Variants in ATP8B1 observed in about 807,000 individuals in gnomAD.
The protein encoded by ATP8B1 is ATPase phospholipid transporting 8B1.
ATP8B1 carries 80 observed loss-of-function variants against 149.9 expected under a neutral mutation model. That is an observed-to-expected ratio of 0.53 (90% CI 0.45 to 0.64). The LOEUF is 0.64. Ranked by LOEUF, ATP8B1 falls within the 30% of genes least tolerant of loss-of-function variation. ATP8B1 has a pLI of 0.00. For missense variants in ATP8B1, 1,247 were observed against 1,552.6 expected (o/e 0.80, Z 3.31); for synonymous variants, 536 against 562.8 (o/e 0.95, Z 0.67).
chr18:57,652,251 C>G (rs1380547333), intron 25 of ATP8B1, 79 bp from the exon 26 acceptor site: 1 of 1,572,806 alleles, frequency 6.4e-7, no homozygotes, highest in African/African-American at 1.4e-5. Flanking sequence ...ATCCTGAAAA[C>G]AGAATTCAGC....
In ATP8B1 at chr18:57,695,527, G is replaced by C. The variant is rs573491571; in HGVS notation, c.704C>G (p.Thr235Ser). ...AAGTGACATCTTAAATTTTAAATTG[G>C]TTTCTCTAAAGGAATGGGGAAAAAA... ...YVETAELDGE[T>S]NLKFKMSLEI... is the part of the protein sequence containing the mutation. The change falls in exon 9 of 28, where the codon ACC becomes AGC. Residue 235 changes from threonine (T) to serine (S), a missense_variant. Thr to Ser is a moderately conservative substitution (Grantham distance 58). This residue lies in a region of ATP8B1 where 853 missense variants were observed against 1,035.7 expected (regional missense o/e 0.82). Coordinates refer to ENST00000648908, the MANE Select transcript of ATP8B1 (RefSeq NM_001374385.1). 6.2e-7 allele frequency: 1 copy of C among 1,609,432 alleles called. No homozygotes were observed. The highest frequency in any genetic ancestry group is 8.5e-7 in the Non-Finnish European group (1 of 1,176,034).
At chr18:57,684,886 A>C (rs1195236064) in intron 14 of ATP8B1, among the ~76,000 whole-genome samples, 186 bp downstream of exon 14, 3 of 152,180 alleles carry the variant, frequency 2.0e-5, no homozygotes, top group African/African-American at 7.2e-5. Context: ...CGTGACAACA[A>C]AGGCAGAGAC....
intron 1 of ATP8B1, among the ~76,000 whole-genome samples, chr18:57,794,829 G>A (rs1384561628): frequency 1.4e-5 from 2 of 140,614 alleles, no homozygotes; most frequent in African/African-American, 5.7e-5. Flanking sequence ...AGAAAGAATG[G>A]CATATGACTG....
At chr18:57,779,236 G>A (rs2080336897) in intron 1 of ATP8B1, among the ~76,000 whole-genome samples, 1 of 151,978 alleles carries the variant, frequency 6.6e-6, no homozygotes, top group Admixed American at 6.6e-5. Context: ...GATTGCTTGA[G>A]CCTGGGAGGT....
chr18:57,759,447 A>T (rs968623311), intron 1 of ATP8B1, among the ~76,000 whole-genome samples: 19 of 152,132 alleles, frequency 1.2e-4, no homozygotes, highest in Admixed American at 2.0e-4. Context: ...GAGAATTTTT[A>T]AAAAATCACC....
At chr18:57,735,642 G>C (rs1272830462) in intron 1 of ATP8B1, 1 of 151,938 alleles carries the variant, frequency 6.6e-6, no homozygotes, top group African/African-American at 2.4e-5. Context: ...ATAATTCCCT[G>C]GTTATATTTA....
At chr18:57,662,712 AC>A (rs1910552000) in intron 20 of ATP8B1, 97 bp from the exon 21 acceptor site, 2 of 1,358,960 alleles carry the variant, frequency 1.5e-6, no homozygotes, top group Non-Finnish European at 1.0e-6. Context: ...TGACAAAAAA[AC>A]AAAGTTTACC....
At position 57,674,830 on chromosome 18, in the gene ATP8B1, T is replaced by C; in HGVS notation, c.1819+4A>G. 1 of 1,613,938 alleles carries C rather than the reference T, an allele frequency of 6.2e-7. No individual in the cohort carries two copies. The highest frequency in any genetic ancestry group is 8.5e-7 in the Non-Finnish European group (1 of 1,179,888). On this transcript the variant is annotated splice_donor_region_variant and intron_variant, in intron 16 of 27. Transcript: ENST00000648908. Reference sequence around the variant, plus strand: ...TTCATAGACAGACTCTGAGGGGGACTTACCAATGATAGACATTCGCTTCCG... The same window carrying C: ...TTCATAGACAGACTCTGAGGGGGACCTACCAATGATAGACATTCGCTTCCG...
rs769589060 is a variant in ATP8B1, at chr18:57,652,718, G to A, written c.3027C>T (p.Asp1009=). Residue 1009 remains aspartate (D), a synonymous_variant, in exon 25 of 28, where the codon GAC becomes GAT. Transcript: ENST00000648908. ...LMGLLDQDVS[D]KLSLRFPGLY... ...ACCCAGGGAATCGGAGGCTCAGTTT[G>A]TCACTCACATCCTTAAGGAGAAAAC... 1.2e-6 allele frequency: 2 copies of A among 1,614,188 alleles called. No homozygotes were observed. Among genetic ancestry groups the A allele is most frequent in the Non-Finnish European group, 8.5e-7 (1 of 1,180,022 alleles).
chr18:57,725,498 A>C (rs1201082337), intron 2 of ATP8B1, among the ~76,000 whole-genome samples: 1 of 152,194 alleles, frequency 6.6e-6, no homozygotes, highest in East Asian at 1.9e-4. Context: ...TGAAAATACC[A>C]ATGACTGTCT....
intron 15 of ATP8B1, among the ~76,000 whole-genome samples, chr18:57,681,047 C>T (rs149872572): frequency 3.4e-3 from 519 of 152,244 alleles, no homozygotes; most frequent in Non-Finnish European, 5.3e-3. Flanking sequence ...TGCAGATGTG[C>T]GATCCTAATC....
At chr18:57,799,363 A>AAGAAAGTACCAATATGGCCTTAAAGATTC (rs1183046542) in intron 1 of ATP8B1, among the ~76,000 whole-genome samples, 6 of 152,226 alleles carry the variant, frequency 3.9e-5, no homozygotes, top group Non-Finnish European at 8.8e-5. Context: ...ATAAGTATCA[A>AAGAAAGTACCAATATGGCCTTAAAGATTC]AGAAAGTACC....
intron 21 of ATP8B1, 36 bp downstream of exon 21, chr18:57,662,447 T>C: frequency 6.2e-7 from 1 of 1,613,472 alleles, no homozygotes; most frequent in Non-Finnish European, 8.5e-7. Context: ...CTTCTTTCTT[T>C]TGAGTTAAAG....
At chr18:57,699,230 T>C (rs1321245737) in intron 6 of ATP8B1, among the ~76,000 whole-genome samples, 1 of 152,238 alleles carries the variant, frequency 6.6e-6, no homozygotes, top group African/African-American at 2.4e-5. Context: ...ATATAGACTA[T>C]ACCAAGCTAT....
chr18:57,732,778 G>C (rs1224968868), intron 1 of ATP8B1, among the ~76,000 whole-genome samples: 1 of 151,780 alleles, frequency 6.6e-6, no homozygotes, highest in Non-Finnish European at 1.5e-5. Flanking sequence ...AGCCAGGATG[G>C]TCTCGAACTC....
At position 57,654,353 on chromosome 18, in the gene ATP8B1, C is replaced by T. The variant is rs535071265; in HGVS notation, c.2932-278G>A. The stretch of plus-strand genomic sequence containing the variant: ...TTTTCTTCTGAGACAGAGTCTCACT[C>T]TGTCGCCCAGGCTGGAGTACAGTGG... On this transcript the variant is annotated intron_variant, in intron 23 of 27. Coordinates refer to ENST00000648908, the MANE Select transcript of ATP8B1 (RefSeq NM_001374385.1). Among the ~76,000 whole-genome samples the T allele has an allele frequency of 2.1e-4, 32 of 151,622 alleles. No homozygotes were observed. The East Asian group carries it at 6.0e-3, about 29-fold the overall frequency.
At position 57,713,192 on chromosome 18, in the gene ATP8B1, TTTCTTTCCTTCC is replaced by T. The variant is rs1368730091; in HGVS notation, c.182-6617_182-6606del. Among the ~76,000 whole-genome samples the T allele has an allele frequency of 6.9e-3, 645 of 93,924 alleles. 4 individuals carry two copies. The highest frequency in any genetic ancestry group is 9.5e-3 in the Middle Eastern group (2 of 210). 61.6% of individuals were successfully genotyped at this position (93,924 alleles called of 152,430 possible). A position where few individuals can be genotyped will look rare whatever the true frequency, so the allele number is the denominator to read the frequency against. On this transcript the variant is annotated intron_variant, in intron 2 of 27. Transcript: ENST00000648908. ...CTTTCTTTCTTTCTTTCTTTCTTTC[TTTCTTTCCTTCC>T]TTCCTTCCTTCCTTCCTTCCTTCCT...
chr18:57,728,099 C>T (rs2079726413), intron 2 of ATP8B1, among the ~76,000 whole-genome samples: 1 of 152,050 alleles, frequency 6.6e-6, no homozygotes, highest in African/African-American at 2.4e-5. Context: ...TCTCTCAAAG[C>T]ACTTGTTTAA....
intron 1 of ATP8B1, among the ~76,000 whole-genome samples, chr18:57,750,292 A>C (rs2080004260): frequency 6.6e-6 from 1 of 152,218 alleles, no homozygotes; most frequent in Non-Finnish European, 1.5e-5. Flanking sequence ...CTAAATCAGC[A>C]ATCAGAAATA....
Sources: gnomAD v4.1 joint callset for allele counts (sites outside exome capture counted in the v4.1 genomes callset) on GRCh38, gnomAD v4.1.1 for gene constraint, gnomAD v4.1.1 regional missense constraint, MANE v1.5 for transcripts, NCBI Gene and HGNC (gene_info 2026-07-23, HGNC 2026-07-21) for gene names.